KLF8: variants seen among roughly 807,000 people sequenced by gnomAD.
The protein encoded by KLF8 is KLF transcription factor 8.
KLF8 carries 10 observed loss-of-function variants against 18.2 expected under a neutral mutation model. The ratio of observed to expected loss-of-function variants is 0.55; its 90% CI spans 0.34 to 0.93. The LOEUF (loss-of-function observed/expected upper bound fraction) is 0.93, where lower values mean the gene tolerates loss of function less well. Among genes scored for constraint, KLF8 ranks in the 40% least tolerant of loss-of-function variants. The probability of loss-of-function intolerance (pLI) is 0.02; values close to 1 mark genes in which losing one functional copy is unlikely to be tolerated. For missense variants in KLF8, 264 were observed against 277.9 expected (o/e 0.95, Z 0.36); for synonymous variants, 109 against 97.3 (o/e 1.12, Z -0.71).
the KLF8 span, among the ~76,000 whole-genome samples, chrX:56,184,923 A>G: frequency 5.3e-5 from 6 of 112,379 alleles, no homozygotes; most frequent in Non-Finnish European, 1.1e-4. Flanking sequence ...AAAGATGGGG[A>G]AAAAACAGAG....
the KLF8 span, among the ~76,000 whole-genome samples, chrX:56,202,559 T>TCCCCCCCCCCCCCCCCCCC: frequency 4.6e-4 from 35 of 75,769 alleles, no homozygotes; most frequent in Non-Finnish European, 5.8e-4. Flanking sequence ...CCATTAACCT[T>TCCCCCCCCCCCCCCCCCCC]CCCCCCCCCT....
chrX:55,970,490 C>G, the KLF8 span, among the ~76,000 whole-genome samples: 6 of 111,008 alleles, frequency 5.4e-5, no homozygotes, highest in African/African-American at 2.0e-4. Context: ...AGGGAAAAAC[C>G]AAAACCTTTA....
chrX:55,927,351 C>A, the KLF8 span, among the ~76,000 whole-genome samples: 332 of 112,042 alleles, frequency 3.0e-3, no homozygotes, highest in Middle Eastern at 9.2e-3. Flanking sequence ...CATAGTGCTG[C>A]GATGAGTGTC....
chrX:56,171,095 A>ATAG, the KLF8 span, among the ~76,000 whole-genome samples: 1 of 112,046 alleles, frequency 8.9e-6, no homozygotes, highest in Non-Finnish European at 1.9e-5. Flanking sequence ...CTCACTGAGA[A>ATAG]TAGTAAGTCT....
chrX:55,918,654 T>C, the KLF8 span, among the ~76,000 whole-genome samples: 1 of 112,050 alleles, frequency 8.9e-6, no homozygotes, highest in East Asian at 2.8e-4. Flanking sequence ...TTCTGGTAAG[T>C]CCAGATATTC....
the KLF8 span, among the ~76,000 whole-genome samples, chrX:56,188,595 C>T: frequency 1.8e-5 from 2 of 111,905 alleles, no homozygotes; most frequent in Non-Finnish European, 3.8e-5. Context: ...AAGCTGGAGG[C>T]ATCATGCTAC....
the KLF8 span, among the ~76,000 whole-genome samples, chrX:56,181,101 G>C: frequency 2.7e-5 from 3 of 111,220 alleles, no homozygotes; most frequent in Non-Finnish European, 3.8e-5. Flanking sequence ...GAGTCTAAGT[G>C]TCTTTGTAGG....
the KLF8 span, among the ~76,000 whole-genome samples, chrX:55,972,392 G>A: frequency 9.1e-6 from 1 of 109,861 alleles, no homozygotes; most frequent in East Asian, 2.9e-4. Flanking sequence ...GCTTGAAAGG[G>A]TAGTGGGGCA....
the KLF8 span, among the ~76,000 whole-genome samples, chrX:56,069,783 C>T: frequency 8.9e-6 from 1 of 111,796 alleles, no homozygotes; most frequent in African/African-American, 3.2e-5. Flanking sequence ...GCTTCCTGCC[C>T]AGCGGTCTTG....
chrX:55,937,609 G>T, the KLF8 span, among the ~76,000 whole-genome samples: 2 of 111,574 alleles, frequency 1.8e-5, no homozygotes, highest in African/African-American at 3.3e-5. Flanking sequence ...CAATGGCAAA[G>T]AAGTTAAAAA....
intron 3 of KLF8, chrX:56,267,099 G>T (rs1008186756): frequency 2.7e-6 from 2 of 752,068 alleles, no homozygotes; most frequent in Admixed American, 8.8e-5. Flanking sequence ...AACATCAAAG[G>T]ATGGTTTGAA....
the KLF8 span, among the ~76,000 whole-genome samples, chrX:55,940,337 C>T: frequency 1.8e-5 from 2 of 111,788 alleles, no homozygotes; most frequent in South Asian, 3.8e-4. Context: ...ACCCTTCATG[C>T]TAAAAACTCT....
the KLF8 span, among the ~76,000 whole-genome samples, chrX:56,221,912 T>C: frequency 8.9e-6 from 1 of 111,801 alleles, no homozygotes; most frequent in Admixed American, 9.4e-5. Context: ...ATCCTGCTGA[T>C]TGGTCCATTT....
the KLF8 span, among the ~76,000 whole-genome samples, chrX:55,952,587 G>T: frequency 8.9e-6 from 1 of 112,023 alleles, no homozygotes; most frequent in South Asian, 3.7e-4. Flanking sequence ...GGACTCTTGT[G>T]ATTACAGTGG....
the KLF8 span, among the ~76,000 whole-genome samples, chrX:56,061,816 A>G: frequency 9.1e-6 from 1 of 110,192 alleles, no homozygotes; most frequent in Non-Finnish European, 1.9e-5. Flanking sequence ...GTAGGTCTCT[A>G]AGAACTTGCT....
the KLF8 span, among the ~76,000 whole-genome samples, chrX:56,049,127 AC>A: frequency 7.2e-5 from 8 of 111,636 alleles, no homozygotes; most frequent in African/African-American, 2.6e-4. Context: ...GTATCCTGAG[AC>A]TTTGCTGAAG....
the KLF8 span, among the ~76,000 whole-genome samples, chrX:55,942,959 C>T: frequency 3.6e-5 from 4 of 111,455 alleles, no homozygotes; most frequent in African/African-American, 9.8e-5. Context: ...GTGACCTGTC[C>T]GGAGACTGTG....
At chrX:55,946,988 C>T in the KLF8 span, among the ~76,000 whole-genome samples, 24 of 111,656 alleles carry the variant, frequency 2.1e-4, no homozygotes, top group African/African-American at 7.8e-4. Context: ...CAGGAAACAG[C>T]AGGTGCTGGA....
the KLF8 span, among the ~76,000 whole-genome samples, chrX:56,078,278 T>C: frequency 8.9e-6 from 1 of 111,946 alleles, no homozygotes; most frequent in African/African-American, 3.2e-5. Context: ...GGCTGTGGGT[T>C]TGTCATAGAT....
Sources: allele counts gnomAD v4.1 joint callset (sites outside exome capture counted in the v4.1 genomes callset), GRCh38; gene constraint gnomAD v4.1.1; transcripts MANE v1.5; gene names NCBI Gene and HGNC (gene_info 2026-07-23, HGNC 2026-07-21).